Variants in AZIN1 observed in about 807,000 individuals in gnomAD.
AZIN1 encodes ornithine decarboxylase antizyme inhibitor.
Under a neutral mutation model 47.4 loss-of-function variants are expected in AZIN1, and 12 were observed. The observed-to-expected ratio is 0.25, with a 90% CI of 0.16 to 0.41. The LOEUF is 0.41. Ranked by LOEUF, AZIN1 falls within the 10% of genes least tolerant of loss-of-function variation. The pLI is 1.00. For missense variants in AZIN1, 410 were observed against 532.4 expected, an observed-to-expected ratio of 0.77 and a Z score of 2.26; for synonymous variants, 155 against 176.3, an observed-to-expected ratio of 0.88 and a Z score of 0.96.
In AZIN1 at chr8:102,858,009, T is replaced by G. The variant is rs1813401400; in HGVS notation, c.-96+4A>C. 2.5e-6 allele frequency: 1 copy of G among 398,826 alleles called. No homozygotes were observed. Among genetic ancestry groups the G allele is most frequent in the South Asian group, 1.3e-4 (1 of 7,864 alleles). The allele number at this position is 398,826 out of a possible 1,614,324, so 24.7% of individuals were successfully genotyped here. ...TCCCCACCAACAAATGTGCAAATAC[T>G]TACATGGACAAGTTGGGAGATGGAA... is the stretch of plus-strand genomic sequence containing the variant. On this transcript the variant is annotated splice_donor_region_variant and intron_variant, in intron 2 of 11. Transcript: ENST00000337198.
Position 102,829,902 on chromosome 8 carries a change from C to A in AZIN1, c.939G>T (p.Met313Ile). Residue 313 changes from methionine to isoleucine, a missense_variant, in exon 10 of 12, where the codon ATG becomes ATT. Transcript: ENST00000337198. ...CATAAACACCATCATTCATATAATA[C>A]ATGAAGGCTGGTTCATCACTTCCGG... The part of the protein sequence containing the change: ...EKTGSDEPAF[M>I]YYMNDGVYGS... The A allele has an allele frequency of 6.2e-7, 1 of 1,612,014 alleles. No homozygotes were observed. The highest frequency in any genetic ancestry group is 8.5e-7 in the Non-Finnish European group (1 of 1,179,098).
chr8:102,830,455 T>C (rs971472693), intron 9 of AZIN1, among the ~76,000 whole-genome samples: 3 of 145,984 alleles, frequency 2.1e-5, no homozygotes, highest in Admixed American at 2.0e-4. Context: ...GACTTTCTGA[T>C]AGTTGCTGTT....
chr8:102,844,278 C>T (rs1239263308), intron 2 of AZIN1, among the ~76,000 whole-genome samples: 1 of 151,798 alleles, frequency 6.6e-6, no homozygotes, highest in Non-Finnish European at 1.5e-5. Context: ...AGGCCCAGGC[C>T]GGTAGATTGC....
chr8:102,834,618 A>T, intron 7 of AZIN1, 48 bp downstream of exon 7: 1 of 1,434,486 alleles, frequency 7.0e-7, no homozygotes, highest in Non-Finnish European at 9.7e-7. Flanking sequence ...TTAACTTAAC[A>T]TCCTGGCTAA....
chr8:102,828,397 G>A lies in AZIN1; in HGVS notation c.*170C>T. The A allele has an allele frequency of 2.1e-6, 1 of 480,374 alleles. No homozygotes were observed. The highest frequency in any genetic ancestry group is 3.7e-6 in the Non-Finnish European group (1 of 266,888). 29.8% of individuals were successfully genotyped at this position (480,374 alleles called of 1,614,324 possible). On this transcript the variant is annotated 3_prime_UTR_variant, in exon 12 of 12. Transcript: ENST00000337198. ...ATCTAAATCTCCCATTATCCCCAAT[G>A]AATTATAGATGAAAGCTGATTTTGT...
In AZIN1 at chr8:102,829,829, C is replaced by G; in HGVS notation, c.1012G>C (p.Val338Leu). The G allele has an allele frequency of 6.2e-7, 1 of 1,608,138 alleles. No individual in the cohort carries two copies. The highest frequency in any genetic ancestry group is 1.1e-5 in the South Asian group (1 of 89,858). Residue 338 changes from valine (V) to leucine (L), a missense_variant, in exon 10 of 12, where the codon GTT becomes CTT. By Grantham distance (32) the Val-to-Leu change is conservative (BLOSUM62 1). Around this residue, in one of 3 missense-constraint regions of AZIN1, gnomAD observed 168 missense variants for 198.3 expected, o/e 0.85. Coordinates refer to ENST00000337198, the MANE Select transcript of AZIN1 (RefSeq NM_148174.4). The part of the protein sequence containing the change: ...LSEDLNTIPE[V>L]HKKYKEDEPL... ...TTTCTGATAAAACTTGCCTTGTGAACCTCTGGAATGGTATTTAAGTCCTCA... is the reference window on the plus strand; with the variant it reads ...TTTCTGATAAAACTTGCCTTGTGAAGCTCTGGAATGGTATTTAAGTCCTCA...
At chr8:102,833,734 G>A (rs952435927) in intron 8 of AZIN1, among the ~76,000 whole-genome samples, 13 of 147,886 alleles carry the variant, frequency 8.8e-5, no homozygotes, top group Admixed American at 1.4e-4. Flanking sequence ...GACCAGCCTG[G>A]GCAATATAGA....
At chr8:102,850,833 A>G (rs1812871340) in intron 2 of AZIN1, among the ~76,000 whole-genome samples, 1 of 152,232 alleles carries the variant, frequency 6.6e-6, no homozygotes, top group African/African-American at 2.4e-5. Context: ...TTATTTTAAA[A>G]GAGAAGAACA....
At chr8:102,848,928 G>A (rs1425905696) in intron 2 of AZIN1, among the ~76,000 whole-genome samples, 1 of 152,272 alleles carries the variant, frequency 6.6e-6, no homozygotes, top group East Asian at 1.9e-4. Context: ...GTTCTAGGGA[G>A]CAAGCATGAA....
At chr8:102,848,446 C>T (rs1271096698) in intron 2 of AZIN1, among the ~76,000 whole-genome samples, 1 of 151,802 alleles carries the variant, frequency 6.6e-6, no homozygotes, top group Non-Finnish European at 1.5e-5. Context: ...ACTATATTGG[C>T]CAGGCTAGTC....
intron 2 of AZIN1, among the ~76,000 whole-genome samples, chr8:102,848,011 CATA>C (rs1812682188): frequency 6.6e-6 from 1 of 152,154 alleles, no homozygotes; most frequent in East Asian, 1.9e-4. Context: ...AAGGTGGTCT[CATA>C]ATACCATATT....
At chr8:102,829,182 G>C in intron 11 of AZIN1, 90 bp downstream of exon 11, 3 of 1,152,780 alleles carry the variant, frequency 2.6e-6, no homozygotes, top group Non-Finnish European at 3.7e-6. Flanking sequence ...GTACTTCTAA[G>C]TTTAGCATTC....
intron 3 of AZIN1, 148 bp downstream of exon 3, chr8:102,843,403 G>A (rs1812349676): frequency 1.6e-6 from 1 of 624,236 alleles, no homozygotes; most frequent in Admixed American, 3.1e-5. Context: ...ACTACTCAAG[G>A]GGAGTGGGTG....
intron 1 of AZIN1, among the ~76,000 whole-genome samples, chr8:102,861,022 G>GA (rs36006260): frequency 0.47 from 72,145 of 151,914 alleles, 17,294 homozygotes; most frequent in Admixed American, 0.52. Flanking sequence ...TTCTGGAACA[G>GA]AAAAAGACAT....
At chr8:102,831,758 C>T (rs1811478327) in intron 9 of AZIN1, among the ~76,000 whole-genome samples, 1 of 151,748 alleles carries the variant, frequency 6.6e-6, no homozygotes, top group Non-Finnish European at 1.5e-5. Flanking sequence ...TTGAGACCAG[C>T]CTGAGAAACA....
intron 1 of AZIN1, among the ~76,000 whole-genome samples, chr8:102,860,428 A>C (rs1813564459): frequency 6.6e-6 from 1 of 151,926 alleles, no homozygotes; most frequent in Admixed American, 6.6e-5. Flanking sequence ...ATGCCCGGCT[A>C]ATTTTTTTGT....
At chr8:102,847,350 TAAA>T (rs34083752) in intron 2 of AZIN1, among the ~76,000 whole-genome samples, 262 of 133,766 alleles carry the variant, frequency 2.0e-3, no homozygotes, top group African/African-American at 4.4e-3. Context: ...ACCCATCTCT[TAAA>T]AAAAAAAAAA....
intron 2 of AZIN1, among the ~76,000 whole-genome samples, chr8:102,850,686 GATAA>G (rs1478610284): frequency 2.6e-5 from 4 of 152,244 alleles, no homozygotes; most frequent in South Asian, 2.1e-4. Flanking sequence ...GAGTACTCAG[GATAA>G]ATCAGGACAA....
At chr8:102,848,858 A>C (rs1232691884) in intron 2 of AZIN1, among the ~76,000 whole-genome samples, 8 of 152,226 alleles carry the variant, frequency 5.3e-5, no homozygotes, top group Admixed American at 5.2e-4. Flanking sequence ...AAACGTTTTC[A>C]GGAGGTATTA....
Sources: gnomAD v4.1 joint callset for allele counts (sites outside exome capture counted in the v4.1 genomes callset) on GRCh38, gnomAD v4.1.1 for gene constraint, gnomAD v4.1.1 regional missense constraint, MANE v1.5 for transcripts, NCBI Gene and HGNC (gene_info 2026-07-23, HGNC 2026-07-21) for gene names.